The following CTNNA3 variants were observed in gnomAD, a reference collection of about 807,000 sequenced individuals.
CTNNA3 encodes catenin alpha-3.
Under a neutral mutation model 95.7 loss-of-function variants are expected in CTNNA3, and 76 were observed. That is an observed-to-expected ratio of 0.79 (90% CI 0.66 to 0.96). The LOEUF is 0.96. Ranked by LOEUF, CTNNA3 falls within the 40% of genes least tolerant of loss-of-function variation. CTNNA3 has a pLI of 0.00. For missense variants in CTNNA3, 1,191 were observed against 1,089.8 expected, an observed-to-expected ratio of 1.09 and a Z score of -1.31; for synonymous variants, 431 against 374.4, an observed-to-expected ratio of 1.15 and a Z score of -1.74.
rs1491445203 is a variant in CTNNA3, at chr10:66,360,815, TCC to T, written c.1732+18335_1732+18336del. Among the ~76,000 whole-genome samples, 4 of 68,824 alleles carry T rather than the reference TCC, an allele frequency of 5.8e-5. 1 individual carries two copies. The highest frequency in any genetic ancestry group is 1.4e-3 in the South Asian group (2 of 1,396). 45.2% of individuals were successfully genotyped at this position (68,824 alleles called of 152,430 possible). A position where few individuals can be genotyped will look rare whatever the true frequency, so the allele number is the denominator to read the frequency against. On this transcript the variant is annotated intron_variant, in intron 12 of 17. Coordinates refer to ENST00000433211, the MANE Select transcript of CTNNA3 (RefSeq NM_013266.4). Reference sequence around the variant, plus strand: ...TTCCTTCCTTCCTTCCTTCCTTCCTTCCTTTCTTTCTTTCTTTCTTTCTTTCT... The same window carrying T: ...TTCCTTCCTTCCTTCCTTCCTTCCTTTTTCTTTCTTTCTTTCTTTCTTTCT...
intron 15 of CTNNA3, among the ~76,000 whole-genome samples, chr10:66,035,384 C>G (rs776976088): frequency 3.3e-5 from 5 of 151,746 alleles, no homozygotes; most frequent in Non-Finnish European, 7.4e-5. Context: ...TTTAGAATAA[C>G]CAAATAACTA....
intron 7 of CTNNA3, among the ~76,000 whole-genome samples, chr10:66,948,961 T>C (rs1051344998): frequency 6.6e-6 from 1 of 152,198 alleles, no homozygotes; most frequent in Admixed American, 6.5e-5. Context: ...CCAGATCAGA[T>C]AAATTATAAT....
intron 5 of CTNNA3, among the ~76,000 whole-genome samples, chr10:67,343,732 G>A (rs527624948): frequency 1.3e-5 from 2 of 151,616 alleles, no homozygotes; most frequent in African/African-American, 2.4e-5. Context: ...TTTCCAATTG[G>A]ATGCTCTTTA....
In CTNNA3 at chr10:67,378,439, A is replaced by C. The variant is rs141283360; in HGVS notation, c.579+143403T>G. ...GTAGAACACTATTAACAAATGCCAG[A>C]CTTTATTAGAGTTCTACCATTCTTT... On this transcript the variant is annotated intron_variant, in intron 5 of 17. Coordinates refer to ENST00000433211, the MANE Select transcript of CTNNA3 (RefSeq NM_013266.4). Among the ~76,000 whole-genome samples the C allele has an allele frequency of 3.6e-3, 544 of 152,200 alleles. 5 individuals carry two copies. The highest frequency in any genetic ancestry group is 0.013 in the African/African-American group (521 of 41,550).
chr10:66,320,671 C>A (rs951641222), intron 12 of CTNNA3, among the ~76,000 whole-genome samples: 1 of 152,068 alleles, frequency 6.6e-6, no homozygotes, highest in Admixed American at 6.6e-5. Flanking sequence ...TAATAAAAAA[C>A]ACATTTTCCT....
intron 7 of CTNNA3, among the ~76,000 whole-genome samples, chr10:66,834,829 A>G (rs1164134770): frequency 1.3e-5 from 2 of 152,206 alleles, no homozygotes; most frequent in Non-Finnish European, 2.9e-5. Flanking sequence ...CATGCACTAG[A>G]AAGAGCTCTT....
intron 10 of CTNNA3, among the ~76,000 whole-genome samples, chr10:66,532,088 TATAGAC>T (rs1841485195): frequency 6.6e-6 from 1 of 152,174 alleles, no homozygotes; most frequent in African/African-American, 2.4e-5. Context: ...TCCAATTTCA[TATAGAC>T]ATAAAGTCAA....
At chr10:67,180,186 G>C in intron 7 of CTNNA3, 131 bp downstream of exon 7, 1 of 793,346 alleles carries the variant, frequency 1.3e-6, no homozygotes, top group Non-Finnish European at 2.0e-6. Context: ...AACTCACTTA[G>C]AAAATCAACC....
rs2133086489 is a variant in CTNNA3 at position 65,913,802 on chromosome 10, T to A, written c.*6528A>T. 6.6e-6 allele frequency: 1 copy of A among 152,156 alleles called. No homozygotes were observed. Among genetic ancestry groups the A allele is most frequent in the South Asian group, 2.1e-4 (1 of 4,818 alleles). 9.4% of individuals were successfully genotyped at this position (152,156 alleles called of 1,614,324 possible). A position where few individuals can be genotyped will look rare whatever the true frequency, so the allele number is the denominator to read the frequency against. ...GTGTTAAAAGCCCAGGTCAAGGAAATCCCTTAGTAGAAGCTCAACTCTCAG... is the reference window on the plus strand; with the variant it reads ...GTGTTAAAAGCCCAGGTCAAGGAAAACCCTTAGTAGAAGCTCAACTCTCAG... On this transcript the variant is annotated 3_prime_UTR_variant, in exon 18 of 18. Transcript: ENST00000433211.
chr10:66,320,036 T>C (rs953533265), intron 12 of CTNNA3, among the ~76,000 whole-genome samples: 2 of 152,102 alleles, frequency 1.3e-5, no homozygotes, highest in Non-Finnish European at 1.5e-5. Context: ...TTTTGACCCA[T>C]CATCAAACCT....
chr10:67,361,464 T>C (rs959387759), intron 5 of CTNNA3, among the ~76,000 whole-genome samples: 3 of 152,020 alleles, frequency 2.0e-5, no homozygotes, highest in Admixed American at 1.3e-4. Flanking sequence ...TCAATACCAA[T>C]TAAACATCCC....
intron 7 of CTNNA3, among the ~76,000 whole-genome samples, chr10:66,974,417 T>C (rs568557010): frequency 6.6e-6 from 1 of 152,318 alleles, no homozygotes; most frequent in South Asian, 2.1e-4. Context: ...TTGATGGACA[T>C]TTAGGTTGCC....
At chr10:67,201,457 T>A (rs1482669358) in intron 6 of CTNNA3, among the ~76,000 whole-genome samples, 5 of 151,858 alleles carry the variant, frequency 3.3e-5, no homozygotes, top group African/African-American at 9.7e-5. Context: ...CTATTCTTTT[T>A]TTTTTATTAT....
At chr10:66,035,281 A>G (rs771291711) in intron 15 of CTNNA3, among the ~76,000 whole-genome samples, 16 of 152,184 alleles carry the variant, frequency 1.1e-4, no homozygotes, top group Non-Finnish European at 2.4e-4. Flanking sequence ...TGAGCATTCC[A>G]GGGAATAGTA....
intron 5 of CTNNA3, among the ~76,000 whole-genome samples, chr10:67,417,557 C>T (rs879291000): frequency 6.6e-6 from 1 of 151,826 alleles, no homozygotes; most frequent in African/African-American, 2.4e-5. Flanking sequence ...TATAGAAAGC[C>T]GGTTTATTTT....
chr10:66,956,722 T>C (rs886099549), intron 7 of CTNNA3, among the ~76,000 whole-genome samples: 1 of 152,218 alleles, frequency 6.6e-6, no homozygotes, highest in Non-Finnish European at 1.5e-5. Context: ...TAAAAGCATC[T>C]GTATTTTTCC....
chr10:67,520,037 C>T lies in CTNNA3; in HGVS notation c.579+1805G>A, dbSNP rs115322043. 2.7e-3 allele frequency among the ~76,000 whole-genome samples: 410 copies of T among 152,264 alleles called. 2 individuals carry two copies. The highest frequency in any genetic ancestry group is 8.6e-3 in the African/African-American group (359 of 41,574). Reference sequence around the variant, plus strand: ...GAAGCCCAGTTTCACGCCTTATTAGCTCCATGACCTTAGGCATGTTACTTA... The same window carrying T: ...GAAGCCCAGTTTCACGCCTTATTAGTTCCATGACCTTAGGCATGTTACTTA... On this transcript the variant is annotated intron_variant, in intron 5 of 17. Transcript: ENST00000433211.
intron 7 of CTNNA3, among the ~76,000 whole-genome samples, chr10:67,002,261 T>C (rs1227387150): frequency 1.3e-5 from 2 of 152,168 alleles, no homozygotes; most frequent in South Asian, 2.1e-4. Context: ...ATTCTACTTA[T>C]ATATCAAACT....
intron 9 of CTNNA3, among the ~76,000 whole-genome samples, chr10:66,647,755 G>A (rs10762083): frequency 0.66 from 100,143 of 151,216 alleles, 34,045 homozygotes; most frequent in East Asian, 0.95. Context: ...TTCTGACCTC[G>A]TGATCCACCC....
Sources: allele counts gnomAD v4.1 joint callset (sites outside exome capture counted in the v4.1 genomes callset), GRCh38; gene constraint gnomAD v4.1.1; transcripts MANE v1.5; gene names NCBI Gene and HGNC (gene_info 2026-07-23, HGNC 2026-07-21).